The following CLMP variants were observed in gnomAD, a reference collection of about 807,000 sequenced individuals.
The protein encoded by CLMP is CXADR like cell adhesion molecule, also known as CXADR-like membrane protein.
A neutral mutation model predicts 45.2 loss-of-function variants in CLMP; 27 were observed. That is an observed-to-expected ratio of 0.60 (90% CI 0.44 to 0.82). The LOEUF (loss-of-function observed/expected upper bound fraction) is 0.82, where lower values mean the gene tolerates loss of function less well. CLMP is among the 40% of genes least tolerant of loss of function. The pLI, the probability that CLMP is intolerant of heterozygous loss-of-function variation, is 0.00. For synonymous variants in CLMP, 167 were observed against 171.4 expected, an observed-to-expected ratio of 0.97 and a Z score of 0.20; for missense variants, 403 against 448.4, an observed-to-expected ratio of 0.90 and a Z score of 0.91.
intron 2 of CLMP, among the ~76,000 whole-genome samples, chr11:123,091,530 C>T (rs1275476872): frequency 6.6e-6 from 1 of 152,220 alleles, no homozygotes; most frequent in African/African-American, 2.4e-5. Flanking sequence ...CAACCCAAGA[C>T]AGGTCCTGGC....
chr11:123,167,528 G>A (rs1591484522), intron 1 of CLMP, among the ~76,000 whole-genome samples: 4 of 150,030 alleles, frequency 2.7e-5, no homozygotes, highest in East Asian at 3.9e-4. Flanking sequence ...CTCGTGATCC[G>A]CCTGCCTTGG....
chr11:123,174,927 A>G (rs374229756), intron 1 of CLMP, among the ~76,000 whole-genome samples: 14 of 152,292 alleles, frequency 9.2e-5, no homozygotes, highest in East Asian at 3.9e-4. Flanking sequence ...AAGAGGGGAA[A>G]GGGGCTCTCT....
intron 2 of CLMP, among the ~76,000 whole-genome samples, chr11:123,095,453 A>T (rs1865978174): frequency 6.6e-6 from 1 of 152,102 alleles, no homozygotes; most frequent in South Asian, 2.1e-4. Flanking sequence ...TATTTTTAGT[A>T]GAGACAGAGT....
At chr11:123,139,700 C>A (rs904089442) in intron 1 of CLMP, among the ~76,000 whole-genome samples, 1 of 152,140 alleles carries the variant, frequency 6.6e-6, no homozygotes, top group African/African-American at 2.4e-5. Flanking sequence ...CCTGTAGTTC[C>A]AGCTACTTGG....
At chr11:123,192,162 A>G (rs1279900569) in intron 1 of CLMP, among the ~76,000 whole-genome samples, 3 of 152,196 alleles carry the variant, frequency 2.0e-5, no homozygotes, top group African/African-American at 7.2e-5. Flanking sequence ...GGGCGCATGA[A>G]GTAATTCAGG....
chr11:123,144,677 T>A (rs1427448204), intron 1 of CLMP, among the ~76,000 whole-genome samples: 1 of 151,180 alleles, frequency 6.6e-6, no homozygotes, highest in East Asian at 1.9e-4. Flanking sequence ...GCGGGGATAA[T>A]GATTTTTTTT....
At chr11:123,125,107 A>C (rs1052047990) in intron 1 of CLMP, among the ~76,000 whole-genome samples, 4 of 152,264 alleles carry the variant, frequency 2.6e-5, no homozygotes, top group African/African-American at 9.6e-5. Context: ...CATGTTGCCT[A>C]GATGGGTCTT....
intron 2 of CLMP, 127 bp from the exon 3 acceptor site, chr11:123,084,840 A>G: frequency 1.4e-6 from 1 of 712,826 alleles, no homozygotes; most frequent in East Asian, 2.6e-5. Flanking sequence ...TGAGAGTCCA[A>G]GAGACCTCTG....
intron 1 of CLMP, among the ~76,000 whole-genome samples, chr11:123,151,887 C>T (rs1331813647): frequency 2.6e-5 from 4 of 152,162 alleles, no homozygotes; most frequent in African/African-American, 9.7e-5. Context: ...AGTTCTAGTA[C>T]CACTCCCCTA....
At chr11:123,113,629 C>A (rs1321589225) in intron 1 of CLMP, among the ~76,000 whole-genome samples, 1 of 152,152 alleles carries the variant, frequency 6.6e-6, no homozygotes, top group Admixed American at 6.6e-5. Context: ...ACCCTTCGTC[C>A]TGATAGGTTC....
chr11:123,167,570 C>T (rs777706904), intron 1 of CLMP, among the ~76,000 whole-genome samples: 6 of 151,916 alleles, frequency 3.9e-5, no homozygotes, highest in Non-Finnish European at 7.4e-5. Flanking sequence ...CAGGCATGAG[C>T]CACCACGCCC....
At chr11:123,087,333 G>A (rs577342312) in intron 2 of CLMP, among the ~76,000 whole-genome samples, 1 of 150,840 alleles carries the variant, frequency 6.6e-6, no homozygotes, top group Non-Finnish European at 1.5e-5. Flanking sequence ...GCGAAACTCC[G>A]TCTCAAAAAA....
chr11:123,184,939 G>T (rs1483849863), intron 1 of CLMP, among the ~76,000 whole-genome samples: 1 of 152,178 alleles, frequency 6.6e-6, no homozygotes, highest in African/African-American at 2.4e-5. Context: ...ACCCCAAACT[G>T]TACCATAACA....
chr11:123,183,433 G>A (rs910702282), intron 1 of CLMP, among the ~76,000 whole-genome samples: 1 of 152,076 alleles, frequency 6.6e-6, no homozygotes, highest in Non-Finnish European at 1.5e-5. Context: ...GTTTCACTAT[G>A]TTGGCCAGAC....
Position 123,130,827 on chromosome 11 carries a change from G to A in CLMP, c.29-32875C>T, listed in dbSNP as rs540627120. ...TTGTTTTCCTTCCCCAAATGGAATC[G>A]TTTTTTTCTTTTCCTTTTTTTTTTT... On this transcript the variant is annotated intron_variant, in intron 1 of 6. Transcript: ENST00000448775. Among the ~76,000 whole-genome samples, 48 of 147,884 alleles carry A rather than the reference G, an allele frequency of 3.2e-4. 1 individual carries two copies. In the South Asian group the frequency reaches 0.01, roughly 31 times the overall value.
At chr11:123,108,275 C>T (rs1030042629) in intron 1 of CLMP, among the ~76,000 whole-genome samples, 1 of 152,214 alleles carries the variant, frequency 6.6e-6, no homozygotes, top group African/African-American at 2.4e-5. Context: ...AAATCCCTGA[C>T]ATTTTACTGT....
intron 1 of CLMP, among the ~76,000 whole-genome samples, chr11:123,158,790 CT>C (rs1477740762): frequency 6.6e-6 from 1 of 152,194 alleles, no homozygotes; most frequent in Non-Finnish European, 1.5e-5. Context: ...TTCTTCACCC[CT>C]GTGAGCCCCA....
chr11:123,108,261 T>G (rs1860588640), intron 1 of CLMP, among the ~76,000 whole-genome samples: 1 of 152,258 alleles, frequency 6.6e-6, no homozygotes, highest in South Asian at 2.1e-4. Flanking sequence ...TACTATGAGC[T>G]GCTAAATCCC....
chr11:123,172,882 C>T (rs555381137), intron 1 of CLMP, among the ~76,000 whole-genome samples: 1 of 152,298 alleles, frequency 6.6e-6, no homozygotes, highest in East Asian at 1.9e-4. Flanking sequence ...TTTAAAATTC[C>T]TGAAGCTGAC....
Sources: gnomAD v4.1 joint callset for allele counts (sites outside exome capture counted in the v4.1 genomes callset) on GRCh38, gnomAD v4.1.1 for gene constraint, MANE v1.5 for transcripts, NCBI Gene and HGNC (gene_info 2026-07-23, HGNC 2026-07-21) for gene names.